Variants in STAM2 observed in about 807,000 individuals in gnomAD.
The protein encoded by STAM2 is signal transducing adapter molecule 2.
A neutral mutation model predicts 65.6 loss-of-function variants in STAM2; 51 were observed. That is an observed-to-expected ratio of 0.78 (90% CI 0.62 to 0.98). The LOEUF (loss-of-function observed/expected upper bound fraction) is 0.98, where lower values mean the gene tolerates loss of function less well. Among genes scored for constraint, STAM2 ranks in the 50% least tolerant of loss-of-function variants. The pLI, the probability that STAM2 is intolerant of heterozygous loss-of-function variation, is 0.00. For synonymous variants in STAM2, 198 were observed against 208.4 expected, an observed-to-expected ratio of 0.95 and a Z score of 0.43; for missense variants, 584 against 617.8, an observed-to-expected ratio of 0.95 and a Z score of 0.58.
chr2:152,138,643 T>C (rs1426899834), intron 7 of STAM2, among the ~76,000 whole-genome samples: 1 of 152,198 alleles, frequency 6.6e-6, no homozygotes, highest in African/African-American at 2.4e-5. Context: ...ATCATTTCAT[T>C]TATGAGCACT....
intron 1 of STAM2, among the ~76,000 whole-genome samples, chr2:152,173,406 A>ATATATATATGTATACATATATATATTTT (rs1560227709): frequency 1.4e-5 from 2 of 145,226 alleles, no homozygotes; most frequent in Non-Finnish European, 3.0e-5. Flanking sequence ...ATATATATAT[A>ATATATATATGTATACATATATATATTTT]TTTTTTTTCG....
chr2:152,158,224 C>A (rs1475945644), intron 1 of STAM2, among the ~76,000 whole-genome samples: 2 of 152,164 alleles, frequency 1.3e-5, no homozygotes, highest in Admixed American at 6.5e-5. Context: ...TACCTGTAAT[C>A]CCAGCACTTT....
At chr2:152,149,094 T>G (rs1235235089) in intron 2 of STAM2, among the ~76,000 whole-genome samples, 1 of 152,206 alleles carries the variant, frequency 6.6e-6, no homozygotes, top group Non-Finnish European at 1.5e-5. Flanking sequence ...TTTTTTATAT[T>G]CACTTTTTTC....
At chr2:152,139,757 T>C (rs1165068735) in intron 7 of STAM2, among the ~76,000 whole-genome samples, 4 of 152,180 alleles carry the variant, frequency 2.6e-5, no homozygotes, top group South Asian at 4.1e-4. Flanking sequence ...GTTTGCCCTC[T>C]GTATCTGGCA....
chr2:152,158,365 A>G (rs1427622090), intron 1 of STAM2, among the ~76,000 whole-genome samples: 1 of 152,104 alleles, frequency 6.6e-6, no homozygotes, highest in Non-Finnish European at 1.5e-5. Context: ...AGTCCCAGCT[A>G]CTCAGGAGGC....
chr2:152,151,349 T>C (rs138667327), intron 1 of STAM2, among the ~76,000 whole-genome samples: 7 of 152,164 alleles, frequency 4.6e-5, no homozygotes, highest in African/African-American at 1.4e-4. Flanking sequence ...ACTCGGCTAA[T>C]TCTTGTATTT....
At chr2:152,160,458 G>T in intron 1 of STAM2, among the ~76,000 whole-genome samples, 1 of 149,212 alleles carries the variant, frequency 6.7e-6, no homozygotes, top group East Asian at 2.0e-4. Context: ...CCTGGCAACC[G>T]CCCCGTCTGA....
intron 13 of STAM2, among the ~76,000 whole-genome samples, chr2:152,122,289 G>C (rs34462050): frequency 6.6e-6 from 1 of 151,674 alleles, no homozygotes; most frequent in South Asian, 2.1e-4. Flanking sequence ...TTAGCTGGGT[G>C]TAGTATGCGC....
At chr2:152,157,435 G>A (rs1365770375) in intron 1 of STAM2, among the ~76,000 whole-genome samples, 2 of 152,172 alleles carry the variant, frequency 1.3e-5, no homozygotes, top group Non-Finnish European at 2.9e-5. Context: ...AAAAGGATGG[G>A]ACCCTGATCC....
At chr2:152,147,402 T>C in intron 4 of STAM2, 94 bp from the exon 5 acceptor site, 1 of 1,202,872 alleles carries the variant, frequency 8.3e-7, no homozygotes, top group Non-Finnish European at 1.1e-6. Flanking sequence ...CAAAATTCTC[T>C]TTAATTATAT....
chr2:152,170,527 CAT>C, intron 1 of STAM2, among the ~76,000 whole-genome samples: 1 of 146,182 alleles, frequency 6.8e-6, no homozygotes. Context: ...CACAAGAAAA[CAT>C]AGATAAAAAC....
chr2:152,150,212 A>G lies in STAM2; in HGVS notation c.58T>C (p.Tyr20His), dbSNP rs528309560. 4.3e-6 allele frequency: 7 copies of G among 1,613,040 alleles called. No individual in the cohort carries two copies. The East Asian group carries it at 1.3e-4, about 31-fold the overall frequency. Residue 20 changes from tyrosine (Y) to histidine (H), a missense_variant, in exon 2 of 14, where the codon TAC becomes CAC. By Grantham distance (83) the Tyr-to-His change is moderately conservative. Coordinates refer to ENST00000263904, the MANE Select transcript of STAM2 (RefSeq NM_005843.6). Reference sequence around the variant, plus strand: ...AGACTCCAATCTTCTGTAGTGTTGTACTCATTCGTGGCTTTTTCTATAAAA... The same window carrying G: ...AGACTCCAATCTTCTGTAGTGTTGTGCTCATTCGTGGCTTTTTCTATAAAA... The part of the protein sequence containing the change: ...EQDVEKATNE[Y>H]NTTEDWSLIM...
chr2:152,166,093 G>C (rs897588119), intron 1 of STAM2, among the ~76,000 whole-genome samples: 4 of 152,098 alleles, frequency 2.6e-5, no homozygotes, highest in African/African-American at 7.2e-5. Flanking sequence ...GTCCCAGATT[G>C]AACCTGGGAG....
Position 152,148,022 on chromosome 2 carries a change from A to C in STAM2, c.300+2T>G. On this transcript the variant is annotated splice_donor_variant, in intron 4 of 13. Transcript: ENST00000263904. LOFTEE classifies it high-confidence loss of function. ...TAAAGTTCTTCTGTTTTTAAAATTT[A>C]CCTTATTTTTAATCACAGCACGTAC... 6.3e-7 allele frequency: 1 copy of C among 1,596,546 alleles called. No homozygotes were observed. Among genetic ancestry groups the C allele is most frequent in the Non-Finnish European group, 8.5e-7 (1 of 1,171,668 alleles).
At chr2:152,137,155 T>A (rs1354839238) in intron 7 of STAM2, among the ~76,000 whole-genome samples, 1 of 152,160 alleles carries the variant, frequency 6.6e-6, no homozygotes, top group Non-Finnish European at 1.5e-5. Flanking sequence ...CCCAAAGTGC[T>A]GGGATTACAG....
rs752316505 is a variant in STAM2 at position 152,135,585 on chromosome 2, T to A, written c.723A>T (p.Lys241Asn). Reference protein sequence around the residue: ...VLDDSDANWWKGENHRGIGLF... With the variant: ...VLDDSDANWWNGENHRGIGLF... ...GTCCTATTCCTCTGTGATTTTCTCCTTTCCACCAATTGGCATCACTAAAAA... is the reference window on the plus strand; with the variant it reads ...GTCCTATTCCTCTGTGATTTTCTCCATTCCACCAATTGGCATCACTAAAAA... Residue 241 changes from lysine (K) to asparagine (N), a missense_variant, in exon 8 of 14, where the codon AAA (lysine) becomes AAT (asparagine). Transcript: ENST00000263904. 8.7e-6 allele frequency: 14 copies of A among 1,611,142 alleles called. No homozygotes were observed. The highest frequency in any genetic ancestry group is 1.2e-5 in the Non-Finnish European group (14 of 1,178,636).
intron 7 of STAM2, among the ~76,000 whole-genome samples, chr2:152,141,941 T>C (rs1179323765): frequency 2.0e-5 from 3 of 152,134 alleles, no homozygotes; most frequent in Non-Finnish European, 4.4e-5. Flanking sequence ...TCAAGGGACT[T>C]CAAGGGACTT....
At chr2:152,143,614 C>T (rs971828205) in intron 7 of STAM2, among the ~76,000 whole-genome samples, 1 of 152,064 alleles carries the variant, frequency 6.6e-6, no homozygotes, top group African/African-American at 2.4e-5. Flanking sequence ...CATCTTTCAT[C>T]CAAGATATAA....
At chr2:152,121,903 C>G (rs1267375217) in intron 13 of STAM2, among the ~76,000 whole-genome samples, 1 of 151,950 alleles carries the variant, frequency 6.6e-6, no homozygotes, top group Non-Finnish European at 1.5e-5. Context: ...ACAAAATTAG[C>G]TGGGTGTGGT....
Sources: gnomAD v4.1 joint callset for allele counts (sites outside exome capture counted in the v4.1 genomes callset) on GRCh38, gnomAD v4.1.1 for gene constraint, MANE v1.5 for transcripts, NCBI Gene and HGNC (gene_info 2026-07-23, HGNC 2026-07-21) for gene names.